TRPM5: variants seen among roughly 807,000 people sequenced by gnomAD.
TRPM5 encodes transient receptor potential cation channel subfamily M member 5, also known as MLSN1 and TRP-related.
A neutral mutation model predicts 124.9 loss-of-function variants in TRPM5; 121 were observed. That is an observed-to-expected ratio of 0.97 (90% CI 0.84 to 1.13). The LOEUF (loss-of-function observed/expected upper bound fraction) is 1.13. TRPM5 is among the 50% of genes most tolerant of loss of function. The pLI, the probability that TRPM5 is intolerant of heterozygous loss-of-function variation, is 0.00. For synonymous variants in TRPM5, 781 were observed against 700.5 expected (o/e 1.11, Z -1.81); for missense variants, 1,643 against 1,589.1 (o/e 1.03, Z -0.58).
rs144977335 is a variant in TRPM5 at position 2,414,985 on chromosome 11, G to A, written c.1542C>T (p.Ser514=). The A allele has an allele frequency of 3.1e-5, 50 of 1,606,778 alleles. No individual in the cohort carries two copies. In the African/African-American group the frequency reaches 4.0e-4, roughly 13 times the overall value. The change falls in exon 10 of 24, where the codon AGC becomes AGT. Residue 514 remains serine (S), a synonymous_variant. Transcript: ENST00000155858. ...GGAACAGGTCCCGCCAGGGGTTCTC[G>A]CTCTTCTGGTTCAGGTCCAGCAGCC...
chr11:2,412,038 ACCACAAGTG>A lies in TRPM5; in HGVS notation c.2474+88_2474+96del, dbSNP rs951873588. On this transcript the variant is annotated intron_variant, in intron 16 of 23. Coordinates refer to ENST00000155858, the Ensembl canonical transcript of TRPM5. ...CACCTCAGCCTCCTGAGTAGCTGGG[ACCACAAGTG>A]CCACCGCCACACCCAACCTGAGTGG... 13 of 1,116,998 alleles carry A rather than the reference ACCACAAGTG, an allele frequency of 1.2e-5. No individual in the cohort carries two copies. The African/African-American group carries it at 1.8e-4, about 16-fold the overall frequency. 69.2% of individuals were successfully genotyped at this position (1,116,998 alleles called of 1,614,324 possible). A position where few individuals can be genotyped will look rare whatever the true frequency, so the allele number is the denominator to read the frequency against.
the TRPM5 span, among the ~76,000 whole-genome samples, chr11:2,440,609 C>G: frequency 6.6e-6 from 1 of 152,182 alleles, no homozygotes; most frequent in African/African-American, 2.4e-5. This position sits in a 1 kb window ranked among gnomAD's most constrained non-coding sequence, Gnocchi z 5.2. Flanking sequence ...CCCTTGCTGA[C>G]CACCCTCCAC....
At chr11:2,407,880 G>A (rs1324877565) in exon 19 of TRPM5, 1 of 1,613,804 alleles carries the variant, frequency 6.2e-7, no homozygotes, top group Non-Finnish European at 8.5e-7. Flanking sequence ...TCCTCCAGCA[G>A]CAGTGGGTGG....
exon 15 of TRPM5, chr11:2,412,825 G>C (rs927289304): frequency 6.2e-7 from 1 of 1,603,248 alleles, no homozygotes. Flanking sequence ...GAGGGGCCCT[G>C]GGGGGGCGGC....
intron 4 of TRPM5, among the ~76,000 whole-genome samples, chr11:2,419,993 C>T (rs1348773491): frequency 6.6e-6 from 1 of 152,182 alleles, no homozygotes; most frequent in African/African-American, 2.4e-5. Context: ...GTCAGAGCCA[C>T]TCTGTCCAGC....
intron 11 of TRPM5, among the ~76,000 whole-genome samples, 198 bp downstream of exon 16, chr11:2,414,517 C>T (rs1262854903): frequency 2.0e-5 from 3 of 152,198 alleles, no homozygotes; most frequent in Non-Finnish European, 4.4e-5. Flanking sequence ...ACGTGCACAG[C>T]GGTCCCACAC....
chr11:2,408,841 T>C (rs966909815), intron 18 of TRPM5, among the ~76,000 whole-genome samples: 3 of 152,122 alleles, frequency 2.0e-5, no homozygotes, highest in Non-Finnish European at 4.4e-5. Context: ...CGCTCTCTCC[T>C]CCCTCCCCAG....
chr11:2,411,704 C>T (rs1279425733), exon 17 of TRPM5: 11 of 1,612,772 alleles, frequency 6.8e-6, no homozygotes, highest in East Asian at 2.2e-5. Context: ...TCAGCCGCAG[C>T]GTGAACACCA....
chr11:2,418,432 C>T, intron 5 of TRPM5, 74 bp from the exon 11 acceptor site: 2 of 1,496,950 alleles, frequency 1.3e-6, no homozygotes, highest in Non-Finnish European at 1.8e-6. Flanking sequence ...TCAGGGGTGC[C>T]CCCATCCCTT....
chr11:2,415,234 C>A (rs34551253), exon 9 of TRPM5: 8 of 1,572,994 alleles, frequency 5.1e-6, no homozygotes, highest in South Asian at 1.2e-5. Context: ...GGTGGCCCCG[C>A]GGGTGGCTCC....
upstream of TRPM5, among the ~76,000 whole-genome samples, chr11:2,425,358 G>T (rs999693662): frequency 2.6e-5 from 4 of 152,174 alleles, no homozygotes; most frequent in Non-Finnish European, 5.9e-5. Context: ...CCTGGCTGTG[G>T]CCGCGTGGCT....
intron 11 of TRPM5, 29 bp downstream of exon 16, chr11:2,414,686 G>C (rs1434087646): frequency 1.3e-6 from 2 of 1,516,048 alleles, no homozygotes; most frequent in Non-Finnish European, 8.8e-7. Flanking sequence ...CCCCGCGCGC[G>C]GGCCCGGCCC....
At chr11:2,410,173 T>A (rs962973924) in intron 18 of TRPM5, among the ~76,000 whole-genome samples, 1 of 152,044 alleles carries the variant, frequency 6.6e-6, no homozygotes, top group Non-Finnish European at 1.5e-5. Flanking sequence ...AACACCAAAA[T>A]GTCAGGAGGG....
chr11:2,410,634 C>T (rs1203414729), intron 18 of TRPM5: 1 of 449,008 alleles, frequency 2.2e-6, no homozygotes, highest in African/African-American at 2.0e-5. Context: ...ACTACAGAGG[C>T]CCCCATGGCC....
rs1850451394 is a variant in TRPM5, at chr11:2,411,545, G to T, written c.2608-19C>A. The T allele has an allele frequency of 6.2e-7, 1 of 1,607,696 alleles. No individual in the cohort carries two copies. The highest frequency in any genetic ancestry group is 8.5e-7 in the Non-Finnish European group (1 of 1,176,388). ...CCTTCATCTCCACGGGGCAGGGGCAGAGAGAGGGACGTCAGCGGCCAGCCG... is the reference window on the plus strand; with the variant it reads ...CCTTCATCTCCACGGGGCAGGGGCATAGAGAGGGACGTCAGCGGCCAGCCG... On this transcript the variant is annotated intron_variant, in intron 17 of 23. Coordinates refer to ENST00000155858, the Ensembl canonical transcript of TRPM5.
the TRPM5 span, among the ~76,000 whole-genome samples, chr11:2,430,334 C>T: frequency 3.3e-5 from 5 of 152,166 alleles, no homozygotes; most frequent in East Asian, 1.9e-4. Flanking sequence ...CCTTCATCTC[C>T]GTCATGATTG....
Position 2,414,696 on chromosome 11 carries a change from C to T in TRPM5, c.1744+19G>A, listed in dbSNP as rs780541492. 1.8e-5 allele frequency: 28 copies of T among 1,525,766 alleles called. No individual in the cohort carries two copies. In the East Asian group the frequency reaches 3.0e-4, roughly 16 times the overall value. The allele number at this position is 1,525,766 out of a possible 1,614,324, so 94.5% of individuals were successfully genotyped here. A position where few individuals can be genotyped will look rare whatever the true frequency, so the allele number is the denominator to read the frequency against. On this transcript the variant is annotated intron_variant, in intron 11 of 23. Transcript: ENST00000155858. ...TCCTCCCCCGCGCGCGGGCCCGGCC[C>T]CAGCCGCCGGTCACTCACCAAGGGC...
At chr11:2,428,706 A>G in the TRPM5 span, among the ~76,000 whole-genome samples, 2 of 149,996 alleles carry the variant, frequency 1.3e-5, no homozygotes, top group African/African-American at 2.5e-5. This position sits in a 1 kb window ranked among gnomAD's most constrained non-coding sequence, Gnocchi z 4.0. Flanking sequence ...TGCAAATGGC[A>G]GTGGTGGTGG....
the TRPM5 span, among the ~76,000 whole-genome samples, chr11:2,437,922 G>A: frequency 1.3e-5 from 2 of 152,128 alleles, no homozygotes; most frequent in African/African-American, 2.4e-5. This position sits in a 1 kb window ranked among gnomAD's most constrained non-coding sequence, Gnocchi z 5.6. Context: ...GCTGATGAAC[G>A]TAAATATAAA....
Sources: gnomAD v4.1 joint callset for allele counts (sites outside exome capture counted in the v4.1 genomes callset) on GRCh38, gnomAD v4.1.1 for gene constraint, Gnocchi (gnomAD v3.1) non-coding constraint, MANE v1.5 for transcripts, NCBI Gene and HGNC (gene_info 2026-07-23, HGNC 2026-07-21) for gene names.